PELI2: variants seen among roughly 807,000 people sequenced by gnomAD.
PELI2 encodes E3 ubiquitin-protein ligase pellino homolog 2.
Under a neutral mutation model 42.3 loss-of-function variants are expected in PELI2, and 23 were observed. That is an observed-to-expected ratio of 0.54 (90% confidence interval 0.39 to 0.77). PELI2 has a LOEUF of 0.77. Ranked by LOEUF, PELI2 falls within the 30% of genes least tolerant of loss-of-function variation. The probability of loss-of-function intolerance (pLI) is 0.00; values close to 1 mark genes in which losing one functional copy is unlikely to be tolerated. For missense variants in PELI2, 463 were observed against 553.2 expected (o/e 0.84, Z 1.64); for synonymous variants, 245 against 212.2 (o/e 1.15, Z -1.34).
At chr14:56,289,390 T>C (rs1889753176) in intron 4 of PELI2, among the ~76,000 whole-genome samples, 1 of 152,138 alleles carries the variant, frequency 6.6e-6, no homozygotes, top group Non-Finnish European at 1.5e-5. Flanking sequence ...CACTTCCAGA[T>C]GTCCCCTGCC....
intron 2 of PELI2, among the ~76,000 whole-genome samples, chr14:56,231,157 G>T (rs540250539): frequency 4.6e-5 from 7 of 152,084 alleles, no homozygotes; most frequent in African/African-American, 1.7e-4. Context: ...AGTAAAGTGG[G>T]GGGACACTTT....
chr14:56,201,432 G>A (rs943060924), intron 2 of PELI2, among the ~76,000 whole-genome samples: 3 of 152,198 alleles, frequency 2.0e-5, no homozygotes, highest in Admixed American at 1.3e-4. Flanking sequence ...TATCCAGGAA[G>A]GAGCTGGGGA....
chr14:56,299,189 C>T lies in PELI2; in HGVS notation c.*2023C>T, dbSNP rs1238975594. The T allele has an allele frequency of 6.6e-6, 1 of 152,048 alleles. No individual in the cohort carries two copies. The highest frequency in any genetic ancestry group is 1.5e-5 in the Non-Finnish European group (1 of 68,006). 9.4% of individuals were successfully genotyped at this position (152,048 alleles called of 1,614,324 possible). A position where few individuals can be genotyped will look rare whatever the true frequency, so the allele number is the denominator to read the frequency against. Reference sequence around the variant, plus strand: ...CTAAATGGTCTTGCATCCAGAAAGGCCAGATTTTACCTACCAAGAAAAAAA... The same window carrying T: ...CTAAATGGTCTTGCATCCAGAAAGGTCAGATTTTACCTACCAAGAAAAAAA... On this transcript the variant is annotated 3_prime_UTR_variant, in exon 6 of 6. Transcript: ENST00000267460.
intron 2 of PELI2, among the ~76,000 whole-genome samples, chr14:56,196,088 T>C (rs1886122004): frequency 6.6e-6 from 1 of 152,236 alleles, no homozygotes; most frequent in Non-Finnish European, 1.5e-5. Flanking sequence ...ATGTTATGAC[T>C]GTGATTTTTA....
chr14:56,153,716 G>GT (rs937954121), intron 1 of PELI2, among the ~76,000 whole-genome samples: 9 of 152,122 alleles, frequency 5.9e-5, no homozygotes, highest in African/African-American at 1.9e-4. Context: ...GGTACATAGA[G>GT]TTTTTTTGTA....
chr14:56,290,637 T>G (rs1205587443), intron 5 of PELI2, among the ~76,000 whole-genome samples, 181 bp downstream of exon 5: 1 of 152,200 alleles, frequency 6.6e-6, no homozygotes, highest in Admixed American at 6.5e-5. Context: ...CCTTATCTCC[T>G]TCAGGGGTTC....
At chr14:56,253,136 C>A (rs954146534) in intron 2 of PELI2, among the ~76,000 whole-genome samples, 1 of 152,132 alleles carries the variant, frequency 6.6e-6, no homozygotes, top group Non-Finnish European at 1.5e-5. Context: ...AAAAGGCCAT[C>A]GATAAAATTC....
At chr14:56,161,495 G>A (rs1052219863) in intron 1 of PELI2, among the ~76,000 whole-genome samples, 14 of 152,002 alleles carry the variant, frequency 9.2e-5, no homozygotes, top group Admixed American at 7.9e-4. Context: ...GGATGGTCTC[G>A]ATCTCTTGAC....
intron 1 of PELI2, among the ~76,000 whole-genome samples, chr14:56,152,444 T>C (rs1165711217): frequency 6.6e-6 from 1 of 152,118 alleles, no homozygotes; most frequent in Non-Finnish European, 1.5e-5. Context: ...AGGATGAGTA[T>C]TGAGGGACAA....
At chr14:56,169,905 A>G (rs932220485) in intron 1 of PELI2, among the ~76,000 whole-genome samples, 2 of 152,216 alleles carry the variant, frequency 1.3e-5, no homozygotes, top group African/African-American at 4.8e-5. Flanking sequence ...GGTTGGGACT[A>G]TAATTTCATA....
chr14:56,121,308 T>A (rs767889137), intron 1 of PELI2, among the ~76,000 whole-genome samples: 16 of 152,108 alleles, frequency 1.1e-4, no homozygotes, highest in Non-Finnish European at 2.1e-4. Flanking sequence ...GAAACATTAC[T>A]AGGAAATCCT....
At position 56,219,772 on chromosome 14, in the gene PELI2, T is replaced by C. The variant is rs983799726; in HGVS notation, c.207+41308T>C. 1.3e-5 allele frequency among the ~76,000 whole-genome samples: 2 copies of C among 152,252 alleles called. No homozygotes were observed. Among genetic ancestry groups the C allele is most frequent in the African/African-American group, 2.4e-5 (1 of 41,472 alleles). ...AAAATGACACGACATGCCTTGACTCTATTCAGTTAGAGTCATTTATTTATT... is the reference window on the plus strand; with the variant it reads ...AAAATGACACGACATGCCTTGACTCCATTCAGTTAGAGTCATTTATTTATT... On this transcript the variant is annotated intron_variant, in intron 2 of 5. Transcript: ENST00000267460. The surrounding 1 kb of genome is among the most constrained non-coding windows in gnomAD (Gnocchi z 4.1).
intron 1 of PELI2, among the ~76,000 whole-genome samples, chr14:56,167,037 C>T (rs1884991157): frequency 6.6e-6 from 1 of 152,196 alleles, no homozygotes; most frequent in African/African-American, 2.4e-5. Context: ...GATCCGCCCG[C>T]CTCAGCCTCC....
chr14:56,134,703 C>T (rs894558576), intron 1 of PELI2, among the ~76,000 whole-genome samples: 2 of 151,774 alleles, frequency 1.3e-5, no homozygotes, highest in African/African-American at 4.8e-5. Context: ...CCGTGAAAGC[C>T]AACTTCAGTT....
intron 1 of PELI2, among the ~76,000 whole-genome samples, chr14:56,148,792 T>TA (rs1238173720): frequency 6.6e-6 from 1 of 152,204 alleles, no homozygotes; most frequent in African/African-American, 2.4e-5. Context: ...AGCAGGGACT[T>TA]TTCTTACATG....
chr14:56,194,217 C>G (rs1886051135), intron 2 of PELI2, among the ~76,000 whole-genome samples: 2 of 152,170 alleles, frequency 1.3e-5, no homozygotes, highest in East Asian at 3.8e-4. Context: ...CAGCAAGTTT[C>G]CTGGCATGTG....
intron 2 of PELI2, among the ~76,000 whole-genome samples, chr14:56,249,347 C>T (rs139235384): frequency 6.6e-5 from 10 of 152,240 alleles, no homozygotes; most frequent in African/African-American, 1.7e-4. Flanking sequence ...TGCCCATCCA[C>T]CCTCATCACA....
intron 2 of PELI2, among the ~76,000 whole-genome samples, chr14:56,193,330 A>G (rs1566629800): frequency 1.3e-5 from 2 of 152,126 alleles, no homozygotes; most frequent in Non-Finnish European, 2.9e-5. Flanking sequence ...AGTTGAAGCT[A>G]CCTCCTCCTT....
At chr14:56,177,238 T>G (rs1885415014) in intron 1 of PELI2, among the ~76,000 whole-genome samples, 1 of 152,196 alleles carries the variant, frequency 6.6e-6, no homozygotes, top group Non-Finnish European at 1.5e-5. Flanking sequence ...TTCTTCCAAC[T>G]TCTGTTTCCC....
Sources: allele counts gnomAD v4.1 joint callset (sites outside exome capture counted in the v4.1 genomes callset), GRCh38; gene constraint gnomAD v4.1.1; non-coding constraint Gnocchi (gnomAD v3.1); transcripts MANE v1.5; gene names NCBI Gene and HGNC (gene_info 2026-07-23, HGNC 2026-07-21).